TATDN1: variants seen among roughly 807,000 people sequenced by gnomAD.
TATDN1 encodes deoxyribonuclease TATDN1.
Under a neutral mutation model 46.4 loss-of-function variants are expected in TATDN1, and 40 were observed. The ratio of observed to expected loss-of-function variants is 0.86; its 90% CI spans 0.67 to 1.12. The LOEUF (loss-of-function observed/expected upper bound fraction) is 1.12. Ranked by LOEUF, TATDN1 falls within the 50% of genes most tolerant of loss-of-function variation. The pLI, the probability that TATDN1 is intolerant of heterozygous loss-of-function variation, is 0.00. For synonymous variants in TATDN1, 95 were observed against 105.6 expected (o/e 0.90, Z 0.62); for missense variants, 326 against 348.4 (o/e 0.94, Z 0.51).
At chr8:124,502,238 A>C (rs952608690) in intron 9 of TATDN1, among the ~76,000 whole-genome samples, 3 of 151,722 alleles carry the variant, frequency 2.0e-5, no homozygotes, top group African/African-American at 7.3e-5. Context: ...CTACTCGGGA[A>C]GCTGAGGCAG....
intron 1 of TATDN1, among the ~76,000 whole-genome samples, chr8:124,528,556 T>A: frequency 6.6e-6 from 1 of 152,218 alleles, no homozygotes; most frequent in East Asian, 1.9e-4. Flanking sequence ...GGAGAAAATC[T>A]ACGGCAACTT....
chr8:124,522,839 G>C, intron 2 of TATDN1, 98 bp downstream of exon 2: 3 of 1,043,528 alleles, frequency 2.9e-6, no homozygotes, highest in Non-Finnish European at 3.0e-6. Context: ...ACAGGTGTGA[G>C]CCACAAGACT....
intron 1 of TATDN1, among the ~76,000 whole-genome samples, chr8:124,532,138 C>T (rs759509996): frequency 6.6e-6 from 1 of 151,870 alleles, no homozygotes; most frequent in African/African-American, 2.4e-5. Flanking sequence ...GGGAAGGAGC[C>T]ACATGCTGGG....
intron 1 of TATDN1, among the ~76,000 whole-genome samples, chr8:124,529,333 C>T (rs778073329): frequency 2.0e-5 from 3 of 152,170 alleles, no homozygotes; most frequent in Non-Finnish European, 2.9e-5. Context: ...TCCCAACACT[C>T]GGAATTAATA....
chr8:124,525,305 C>T (rs1213010817), intron 1 of TATDN1, among the ~76,000 whole-genome samples: 2 of 152,058 alleles, frequency 1.3e-5, no homozygotes, highest in African/African-American at 4.8e-5. Flanking sequence ...ACCACCACAC[C>T]CAGCTAATTT....
At chr8:124,506,165 T>C (rs1298713590) in intron 8 of TATDN1, among the ~76,000 whole-genome samples, 1 of 151,050 alleles carries the variant, frequency 6.6e-6, no homozygotes, top group East Asian at 1.9e-4. Context: ...TGAAACCCTG[T>C]CTCTACTGAA....
chr8:124,496,479 T>A (rs2131357518), intron 9 of TATDN1, among the ~76,000 whole-genome samples: 1 of 152,360 alleles, frequency 6.6e-6, no homozygotes, highest in Non-Finnish European at 1.5e-5. Context: ...TAAAAATCTA[T>A]GGTCCGCCTA....
chr8:124,493,616 G>T (rs928546372), intron 11 of TATDN1, among the ~76,000 whole-genome samples: 2 of 152,176 alleles, frequency 1.3e-5, no homozygotes, highest in Non-Finnish European at 2.9e-5. Flanking sequence ...TTCTGCTAAG[G>T]CTTTCTTGTT....
intron 11 of TATDN1, chr8:124,491,417 T>A (rs1321938715): frequency 6.6e-6 from 1 of 152,340 alleles, no homozygotes; most frequent in Non-Finnish European, 1.5e-5. Flanking sequence ...CTCCCAGTCA[T>A]GGGTAAACAA....
chr8:124,537,890 G>A (rs1404111368), intron 1 of TATDN1, among the ~76,000 whole-genome samples: 1 of 151,874 alleles, frequency 6.6e-6, no homozygotes. Flanking sequence ...TAGGTCTCCA[G>A]TCTGAAAACT....
At chr8:124,535,285 C>T (rs1821335001) in intron 1 of TATDN1, among the ~76,000 whole-genome samples, 2 of 152,212 alleles carry the variant, frequency 1.3e-5, no homozygotes, top group Admixed American at 1.3e-4. Flanking sequence ...CACGTATTTA[C>T]TATTACATCA....
intron 6 of TATDN1, among the ~76,000 whole-genome samples, chr8:124,515,053 C>T (rs927106588): frequency 1.3e-5 from 2 of 152,176 alleles, no homozygotes; most frequent in African/African-American, 4.8e-5. Context: ...GCCTCTCAAA[C>T]AGCTGCGACT....
At chr8:124,520,065 T>G (rs983946897) in intron 3 of TATDN1, among the ~76,000 whole-genome samples, 1 of 152,270 alleles carries the variant, frequency 6.6e-6, no homozygotes, top group East Asian at 1.9e-4. Flanking sequence ...TATAGCTATT[T>G]AAATCTTTAA....
intron 9 of TATDN1, among the ~76,000 whole-genome samples, chr8:124,503,109 T>C (rs1235715890): frequency 3.3e-5 from 5 of 152,198 alleles, no homozygotes; most frequent in Admixed American, 6.5e-5. Context: ...AACATTTATA[T>C]AGACATAATA....
intron 1 of TATDN1, among the ~76,000 whole-genome samples, chr8:124,530,819 G>C (rs1820889392): frequency 6.6e-6 from 1 of 152,164 alleles, no homozygotes. Flanking sequence ...ATACAGTCCT[G>C]GCCCTGGGTC....
At chr8:124,493,543 G>A (rs1343781709) in intron 11 of TATDN1, among the ~76,000 whole-genome samples, 1 of 152,164 alleles carries the variant, frequency 6.6e-6, no homozygotes, top group Non-Finnish European at 1.5e-5. Context: ...TTGTTCTGAG[G>A]CTTAAAGAAA....
intron 9 of TATDN1, 95 bp downstream of exon 9, chr8:124,504,176 T>C: frequency 1.1e-6 from 1 of 934,586 alleles, no homozygotes; most frequent in Non-Finnish European, 1.6e-6. Context: ...ACACAAACTT[T>C]AATGAAAATA....
At chr8:124,528,208 C>G (rs1820666532) in intron 1 of TATDN1, among the ~76,000 whole-genome samples, 2 of 151,980 alleles carry the variant, frequency 1.3e-5, no homozygotes, top group African/African-American at 2.4e-5. Flanking sequence ...GAGTCTCGCT[C>G]TGTCACCCAG....
Position 124,520,263 on chromosome 8 carries a change from C to G in TATDN1, c.139-1382G>C, listed in dbSNP as rs1819909393. Among the ~76,000 whole-genome samples, 2 of 151,912 alleles carry G rather than the reference C, an allele frequency of 1.3e-5. 1 individual carries two copies. The highest frequency in any genetic ancestry group is 4.1e-4 in the South Asian group (2 of 4,820). The stretch of plus-strand genomic sequence containing the variant: ...ACCATCCTGGCCAACATGGCGAAAC[C>G]CCGTCTCTACTGAAAATACAAAAAT... On this transcript the variant is annotated intron_variant, in intron 3 of 11. Transcript: ENST00000276692.
Sources: allele counts gnomAD v4.1 joint callset (sites outside exome capture counted in the v4.1 genomes callset), GRCh38; gene constraint gnomAD v4.1.1; transcripts MANE v1.5; gene names NCBI Gene and HGNC (gene_info 2026-07-23, HGNC 2026-07-21).